The following SLIT3 variants were observed in gnomAD, a reference collection of about 807,000 sequenced individuals.
SLIT3 encodes the protein slit guidance ligand 3.
Under a neutral mutation model 184.0 loss-of-function variants are expected in SLIT3, and 68 were observed. That is an observed-to-expected ratio of 0.37 (90% CI 0.30 to 0.45). SLIT3 has a LOEUF of 0.45. Among genes scored for constraint, SLIT3 ranks in the 20% least tolerant of loss-of-function variants. The pLI is 1.00. For missense variants in SLIT3, 1,707 were observed against 2,026.0 expected (o/e 0.84, Z 3.02); for synonymous variants, 831 against 828.6 (o/e 1.00, Z -0.05).
intron 3 of SLIT3, among the ~76,000 whole-genome samples, chr5:169,244,348 A>G (rs1253258027): frequency 6.6e-6 from 1 of 152,248 alleles, no homozygotes; most frequent in Non-Finnish European, 1.5e-5. Context: ...ATCTGATGCC[A>G]GATCTCATGG....
At chr5:168,893,326 C>T (rs1760538368) in intron 4 of SLIT3, among the ~76,000 whole-genome samples, 1 of 152,132 alleles carries the variant, frequency 6.6e-6, no homozygotes, top group Admixed American at 6.5e-5. Context: ...CATTTCTATA[C>T]AATCTATCCT....
chr5:168,958,385 T>C (rs572495449), intron 4 of SLIT3, among the ~76,000 whole-genome samples: 2 of 152,304 alleles, frequency 1.3e-5, no homozygotes, highest in Admixed American at 1.3e-4. Context: ...AGCTGCCAGT[T>C]TTTTGAGAAT....
At chr5:168,765,558 T>G (rs1755312548) in intron 14 of SLIT3, among the ~76,000 whole-genome samples, 1 of 152,176 alleles carries the variant, frequency 6.6e-6, no homozygotes, top group African/African-American at 2.4e-5. Flanking sequence ...CCGAAACTAC[T>G]CAGGGTTTCT....
intron 5 of SLIT3, among the ~76,000 whole-genome samples, chr5:168,850,317 C>G (rs1162181526): frequency 2.0e-5 from 3 of 152,186 alleles, no homozygotes; most frequent in African/African-American, 7.2e-5. Flanking sequence ...ATTTTGTACA[C>G]TTGCCCACCA....
At chr5:168,872,640 C>CTTTTTTTTTTT (rs774066150) in intron 5 of SLIT3, among the ~76,000 whole-genome samples, 3 of 112,432 alleles carry the variant, frequency 2.7e-5, no homozygotes, top group Non-Finnish European at 3.6e-5. Context: ...TCTTCTTCTT[C>CTTTTTTTTTTT]TTTTTTTTTT....
rs1475903115 is a variant in SLIT3, at chr5:168,687,050, G to T, written c.3243C>A (p.His1081Gln). Reference protein sequence around the residue: ...CETDNDDCVAHKCRHGAQCVD... With the variant: ...CETDNDDCVAQKCRHGAQCVD... ...CGCACTGGGCCCCGTGGCGGCACTT[G>T]TGGGCCACACAGTCATCATTGTCTG... Residue 1081 changes from histidine (H) to glutamine (Q), a missense_variant, in exon 30 of 36, where the codon CAC (histidine) becomes CAA (glutamine). Physicochemically the swap from His to Gln is conservative, Grantham distance 24. Coordinates refer to ENST00000519560, the MANE Select transcript of SLIT3 (RefSeq NM_003062.4). The T allele has an allele frequency of 1.9e-6, 3 of 1,614,272 alleles. No homozygotes were observed. Among genetic ancestry groups the T allele is most frequent in the Non-Finnish European group, 2.5e-6 (3 of 1,180,044 alleles).
intron 33 of SLIT3, among the ~76,000 whole-genome samples, chr5:168,671,750 C>T (rs2113174444): frequency 6.6e-6 from 1 of 152,170 alleles, no homozygotes; most frequent in Non-Finnish European, 1.5e-5. Context: ...CTTGGACTTC[C>T]CTAGAAAAAA....
chr5:168,858,708 C>A (rs563138928), intron 5 of SLIT3, among the ~76,000 whole-genome samples: 1 of 152,254 alleles, frequency 6.6e-6, no homozygotes, highest in Non-Finnish European at 1.5e-5. Flanking sequence ...TCTTCCTATA[C>A]TTCCTTAAGC....
intron 3 of SLIT3, among the ~76,000 whole-genome samples, chr5:169,203,037 T>C (rs901521585): frequency 2.0e-5 from 3 of 152,096 alleles, no homozygotes; most frequent in Admixed American, 6.5e-5. Context: ...AGGGAGAAGA[T>C]GGACAAGAGT....
intron 4 of SLIT3, among the ~76,000 whole-genome samples, chr5:168,975,461 C>A (rs868767595): frequency 6.6e-6 from 1 of 151,900 alleles, no homozygotes; most frequent in Non-Finnish European, 1.5e-5. Context: ...AGACACCCCC[C>A]CACACACACA....
intron 13 of SLIT3, 127 bp downstream of exon 13, chr5:168,774,108 T>C: frequency 1.1e-6 from 1 of 888,398 alleles, no homozygotes; most frequent in Non-Finnish European, 1.7e-6. Flanking sequence ...TTATTCTAGC[T>C]TCCCTGCAGG....
In SLIT3 at chr5:169,084,682, G is replaced by T. The variant is rs374915902; in HGVS notation, c.413+108797C>A. Among the ~76,000 whole-genome samples, 18 of 152,302 alleles carry T rather than the reference G, an allele frequency of 1.2e-4. No individual in the cohort carries two copies. The South Asian group carries it at 2.3e-3, about 19-fold the overall frequency. ...TGAAAAACAAAACCAAAAACCAGAAGCTGCAGCAACACTGGGTCCATACCC... is the reference window on the plus strand; with the variant it reads ...TGAAAAACAAAACCAAAAACCAGAATCTGCAGCAACACTGGGTCCATACCC... On this transcript the variant is annotated intron_variant, in intron 4 of 35. Transcript: ENST00000519560.
At chr5:168,954,384 G>A (rs962617175) in intron 4 of SLIT3, among the ~76,000 whole-genome samples, 1 of 151,970 alleles carries the variant, frequency 6.6e-6, no homozygotes, top group Non-Finnish European at 1.5e-5. Context: ...GCAATTATTT[G>A]TTAGAAACAC....
intron 4 of SLIT3, among the ~76,000 whole-genome samples, chr5:169,052,900 G>A (rs1189961504): frequency 6.6e-6 from 1 of 152,140 alleles, no homozygotes; most frequent in African/African-American, 2.4e-5. Flanking sequence ...TGTTTCAAAG[G>A]ATAGGCAGAT....
chr5:168,683,783 A>G (rs111998101), intron 32 of SLIT3, among the ~76,000 whole-genome samples, 183 bp downstream of exon 32: 1 of 151,918 alleles, frequency 6.6e-6, no homozygotes, highest in Non-Finnish European at 1.5e-5. Flanking sequence ...TTCCTCTGAC[A>G]CGCCTTTCTC....
chr5:169,092,515 G>A (rs56221979), intron 4 of SLIT3, among the ~76,000 whole-genome samples: 9,937 of 152,226 alleles, frequency 0.065, 411 homozygotes, highest in African/African-American at 0.099. Context: ...AGCCAAAATG[G>A]TCAGGTCCTC....
chr5:168,963,208 T>G (rs1463285615), intron 4 of SLIT3, among the ~76,000 whole-genome samples: 2 of 152,166 alleles, frequency 1.3e-5, no homozygotes, highest in South Asian at 2.1e-4. Context: ...TCACTCACTG[T>G]TTGGCCAGGC....
At chr5:169,174,376 G>A (rs1762906595) in intron 4 of SLIT3, among the ~76,000 whole-genome samples, 2 of 152,310 alleles carry the variant, frequency 1.3e-5, no homozygotes, top group African/African-American at 2.4e-5. Flanking sequence ...CTTTCCAGCA[G>A]CTGGGGTGAC....
At chr5:168,736,591 T>G (rs1188292881) in intron 20 of SLIT3, among the ~76,000 whole-genome samples, 1 of 152,082 alleles carries the variant, frequency 6.6e-6, no homozygotes, top group Non-Finnish European at 1.5e-5. Context: ...AGGATGGACA[T>G]AGCCAGAACC....
Sources: gnomAD v4.1 joint callset for allele counts (sites outside exome capture counted in the v4.1 genomes callset) on GRCh38, gnomAD v4.1.1 for gene constraint, MANE v1.5 for transcripts, NCBI Gene and HGNC (gene_info 2026-07-23, HGNC 2026-07-21) for gene names.